Variants in PCDHA4 observed in about 807,000 individuals in gnomAD.
PCDHA4 encodes the protein protocadherin alpha-4.
In PCDHA4, 49 loss-of-function variants were observed where a neutral mutation model predicts 61.4. The observed-to-expected ratio is 0.80, with a 90% CI of 0.63 to 1.01. PCDHA4 has a LOEUF of 1.01. Ranked by LOEUF, PCDHA4 falls within the 50% of genes least tolerant of loss-of-function variation. The probability of loss-of-function intolerance (pLI) is 0.00; values close to 1 mark genes in which losing one functional copy is unlikely to be tolerated. For synonymous variants in PCDHA4, 590 were observed against 550.3 expected (o/e 1.07, Z -1.01); for missense variants, 1,254 against 1,235.8 (o/e 1.01, Z -0.22).
intron 1 of PCDHA4, among the ~76,000 whole-genome samples, chr5:140,898,159 G>A (rs377677002): frequency 1.3e-5 from 2 of 151,916 alleles, no homozygotes; most frequent in South Asian, 2.1e-4. Context: ...CGCTGATGGT[G>A]GTTTCTTTTG....
intron 1 of PCDHA4, chr5:140,828,911 A>T (rs2150160742): frequency 6.2e-7 from 1 of 1,614,128 alleles, no homozygotes; most frequent in Non-Finnish European, 8.5e-7. Context: ...TGAAGGAGCG[A>T]ATGGGGCAAT....
intron 1 of PCDHA4, among the ~76,000 whole-genome samples, chr5:140,917,068 GAGTTTAATGTAAAGTTCCCC>G (rs1192645655): frequency 1.3e-5 from 2 of 152,066 alleles, no homozygotes; most frequent in Non-Finnish European, 2.9e-5. Context: ...CGACAGCACC[GAGTTTAATGTAAAGTTCCCC>G]AGTTGCTGTG....
chr5:140,814,795 A>T (rs1019265696), intron 1 of PCDHA4: 4 of 152,170 alleles, frequency 2.6e-5, no homozygotes, highest in African/African-American at 9.6e-5. Context: ...GTTGTTATAC[A>T]ACACTTGACT....
At position 140,848,735 on chromosome 5, in the gene PCDHA4, G is replaced by A. The variant is rs141612292; in HGVS notation, c.2385+39163G>A. On this transcript the variant is annotated intron_variant, in intron 1 of 3. Transcript: ENST00000530339. ...GGGACCTTCTGGAGGTAAATCTGCA[G>A]AATGGCATTTTGTTTGTGAATTCTC... 5.7e-6 allele frequency: 9 copies of A among 1,592,880 alleles called. No homozygotes were observed. In the African/African-American group the frequency reaches 1.1e-4, roughly 19 times the overall value.
At chr5:140,936,987 T>C (rs996790487) in intron 1 of PCDHA4, among the ~76,000 whole-genome samples, 1 of 152,170 alleles carries the variant, frequency 6.6e-6, no homozygotes, top group Non-Finnish European at 1.5e-5. Context: ...CTTGTTAACA[T>C]TGACAATATT....
chr5:140,849,154 C>G, intron 1 of PCDHA4: 1 of 1,231,386 alleles, frequency 8.1e-7, no homozygotes, highest in Non-Finnish European at 1.1e-6. Context: ...GGAGGCAAAC[C>G]CGAGCTGACT....
rs1263474406 is a variant in PCDHA4, at chr5:140,967,341, A to G, written c.2386-11608A>G. ...ACCTACGAGCTCAGCCCCAGCGAGCACTTCGAGCTGGACCTTAAGCCCCTG... is the reference window on the plus strand; with the variant it reads ...ACCTACGAGCTCAGCCCCAGCGAGCGCTTCGAGCTGGACCTTAAGCCCCTG... On this transcript the variant is annotated intron_variant, in intron 1 of 3. Coordinates refer to ENST00000530339, the MANE Select transcript of PCDHA4 (RefSeq NM_018907.4). 3 of 1,607,922 alleles carry G rather than the reference A, an allele frequency of 1.9e-6. No homozygotes were observed. The highest frequency in any genetic ancestry group is 1.3e-5 in the African/African-American group (1 of 74,782).
At chr5:140,973,980 A>G (rs1554235707) in intron 1 of PCDHA4, among the ~76,000 whole-genome samples, 1 of 152,248 alleles carries the variant, frequency 6.6e-6, no homozygotes, top group African/African-American at 2.4e-5. Flanking sequence ...TGGCTTTTAC[A>G]GAACTTCACC....
intron 1 of PCDHA4, among the ~76,000 whole-genome samples, chr5:140,954,144 A>G (rs560378033): frequency 2.0e-5 from 3 of 152,232 alleles, no homozygotes; most frequent in Non-Finnish European, 4.4e-5. Flanking sequence ...ATAGTATTCC[A>G]TGGTGTATAT....
chr5:140,835,085 C>T (rs2150230592), intron 1 of PCDHA4: 2 of 1,227,056 alleles, frequency 1.6e-6, no homozygotes, highest in Admixed American at 2.4e-5. Context: ...CGGTACTGGA[C>T]AACAATGACA....
chr5:140,870,288 G>A (rs782327278), intron 1 of PCDHA4: 4 of 1,614,090 alleles, frequency 2.5e-6, no homozygotes, highest in Admixed American at 3.3e-5. Flanking sequence ...TTCCCTTCAA[G>A]CTGGTGTCCA....
chr5:140,820,046 A>G (rs1554127780), intron 1 of PCDHA4, among the ~76,000 whole-genome samples: 1 of 151,978 alleles, frequency 6.6e-6, no homozygotes, highest in Non-Finnish European at 1.5e-5. Flanking sequence ...ATTTACTGTT[A>G]TATAATAGAA....
intron 1 of PCDHA4, chr5:140,861,392 G>A (rs2046897620): frequency 2.2e-6 from 1 of 451,822 alleles, no homozygotes; most frequent in Non-Finnish European, 4.5e-6. Context: ...ACCTGGGTCT[G>A]GAGCTTGTGG....
intron 1 of PCDHA4, among the ~76,000 whole-genome samples, chr5:140,974,639 G>A (rs896104665): frequency 2.0e-5 from 3 of 152,198 alleles, no homozygotes; most frequent in African/African-American, 7.2e-5. Context: ...AACCTCCCGA[G>A]TAGCTGAGAT....
chr5:140,884,703 A>T, intron 1 of PCDHA4: 3 of 1,495,534 alleles, frequency 2.0e-6, no homozygotes, highest in Non-Finnish European at 2.7e-6. Flanking sequence ...TAAACACTTT[A>T]GCCTTCCTTG....
intron 1 of PCDHA4, chr5:140,843,938 G>C: frequency 1.7e-6 from 1 of 572,224 alleles, no homozygotes; most frequent in East Asian, 2.9e-5. Flanking sequence ...GTTATGGTTG[G>C]ATGATATCCA....
intron 1 of PCDHA4, chr5:140,927,440 C>T (rs782460713): frequency 3.7e-6 from 6 of 1,614,050 alleles, no homozygotes; most frequent in Admixed American, 3.3e-5. Context: ...AGCGAATACC[C>T]GGAGTTGGTG....
At chr5:140,870,524 TCA>T (rs782755570) in intron 1 of PCDHA4, 1 of 1,614,194 alleles carries the variant, frequency 6.2e-7, no homozygotes, top group Non-Finnish European at 8.5e-7. Context: ...TGCCACATCT[TCA>T]CAGTGTCGGC....
At chr5:140,874,154 C>A (rs1554167062) in intron 1 of PCDHA4, among the ~76,000 whole-genome samples, 1 of 152,102 alleles carries the variant, frequency 6.6e-6, no homozygotes, top group African/African-American at 2.4e-5. Flanking sequence ...TAGAGCCATT[C>A]TTGGTTACTC....
Sources: gnomAD v4.1 joint callset for allele counts (sites outside exome capture counted in the v4.1 genomes callset) on GRCh38, gnomAD v4.1.1 for gene constraint, MANE v1.5 for transcripts, NCBI Gene and HGNC (gene_info 2026-07-23, HGNC 2026-07-21) for gene names.